PLEKHM3: variants seen among roughly 807,000 people sequenced by gnomAD.
The protein encoded by PLEKHM3 is pleckstrin homology domain-containing family M member 3.
PLEKHM3 carries 45 observed loss-of-function variants against 81.8 expected under a neutral mutation model. The observed-to-expected ratio is 0.55, with a 90% confidence interval of 0.43 to 0.71. The LOEUF (loss-of-function observed/expected upper bound fraction) is 0.71. PLEKHM3 is among the 30% of genes least tolerant of loss of function. PLEKHM3 has a pLI of 0.00. For synonymous variants in PLEKHM3, 352 were observed against 356.4 expected, an observed-to-expected ratio of 0.99 and a Z score of 0.14; for missense variants, 788 against 924.3, an observed-to-expected ratio of 0.85 and a Z score of 1.91.
At chr2:207,885,403 T>C (rs1037409820) in intron 6 of PLEKHM3, among the ~76,000 whole-genome samples, 4 of 152,238 alleles carry the variant, frequency 2.6e-5, no homozygotes, top group African/African-American at 9.6e-5. Context: ...ATGGGGCATT[T>C]TGGGCCTTTT....
intron 3 of PLEKHM3, among the ~76,000 whole-genome samples, chr2:207,956,333 C>T (rs980374551): frequency 4.6e-5 from 7 of 151,744 alleles, no homozygotes; most frequent in Non-Finnish European, 7.4e-5. Context: ...ATTAGCCGGG[C>T]GTGGTGGTGG....
chr2:207,836,893 A>G (rs934905462), intron 7 of PLEKHM3, among the ~76,000 whole-genome samples: 2 of 152,252 alleles, frequency 1.3e-5, no homozygotes, highest in Admixed American at 6.5e-5. Flanking sequence ...CCTGCAGAGC[A>G]GGGCAGAGCC....
chr2:207,956,725 T>TC (rs1189562179), intron 3 of PLEKHM3, among the ~76,000 whole-genome samples: 4 of 115,756 alleles, frequency 3.5e-5, no homozygotes, highest in Non-Finnish European at 6.7e-5. Flanking sequence ...AAAATTTTTT[T>TC]TTTTTTTTTT....
At chr2:207,939,275 T>C (rs906179374) in intron 4 of PLEKHM3, among the ~76,000 whole-genome samples, 2 of 152,156 alleles carry the variant, frequency 1.3e-5, no homozygotes, top group African/African-American at 4.8e-5. Context: ...AAGCAGAGGA[T>C]AGAATGATAA....
At chr2:208,013,426 G>C (rs1692767443) in intron 1 of PLEKHM3, among the ~76,000 whole-genome samples, 1 of 152,002 alleles carries the variant, frequency 6.6e-6, no homozygotes, top group Non-Finnish European at 1.5e-5. Flanking sequence ...TGAGGCAGGA[G>C]AATTGCTTAA....
intron 6 of PLEKHM3, chr2:207,899,932 T>C (rs565834992): frequency 6.6e-6 from 1 of 152,286 alleles, no homozygotes; most frequent in Admixed American, 6.5e-5. Flanking sequence ...TCATAGCCTC[T>C]AGGAAGCCTT....
chr2:207,882,903 C>G (rs760512462), intron 6 of PLEKHM3, among the ~76,000 whole-genome samples: 28 of 152,086 alleles, frequency 1.8e-4, no homozygotes, highest in Non-Finnish European at 3.2e-4. Flanking sequence ...TGCCCGCCAC[C>G]ATGCCCAGCT....
At chr2:207,951,149 G>C (rs1009835054) in intron 3 of PLEKHM3, among the ~76,000 whole-genome samples, 1 of 152,068 alleles carries the variant, frequency 6.6e-6, no homozygotes, top group Non-Finnish European at 1.5e-5. Flanking sequence ...CACAATCTGG[G>C]ATTTTACTTT....
intron 3 of PLEKHM3, among the ~76,000 whole-genome samples, chr2:207,964,265 A>T (rs1690839831): frequency 6.6e-6 from 1 of 152,172 alleles, no homozygotes; most frequent in Non-Finnish European, 1.5e-5. Flanking sequence ...CAAACTTCGT[A>T]TGCACTCAAA....
chr2:207,945,712 G>C (rs996341795), intron 4 of PLEKHM3, among the ~76,000 whole-genome samples: 13 of 152,098 alleles, frequency 8.5e-5, no homozygotes, highest in African/African-American at 3.1e-4. Flanking sequence ...GACCAGCCTG[G>C]GGAACATGGT....
In PLEKHM3 at chr2:207,876,732, C is replaced by T. The variant is rs80010741; in HGVS notation, c.1951-15470G>A. 2.9e-3 allele frequency among the ~76,000 whole-genome samples: 448 copies of T among 152,306 alleles called. 2 individuals carry two copies. Among genetic ancestry groups the T allele is most frequent in the African/African-American group, 0.01 (426 of 41,574 alleles). The stretch of plus-strand genomic sequence containing the variant: ...CTTAAGTAACCAATCAGTTAGGACG[C>T]ATATTGCCGTTTTCTATTAGGAATT... On this transcript the variant is annotated intron_variant, in intron 6 of 7. Coordinates refer to ENST00000427836, the MANE Select transcript of PLEKHM3 (RefSeq NM_001080475.3).
chr2:208,007,098 AC>A (rs1380380157), intron 1 of PLEKHM3, among the ~76,000 whole-genome samples: 1 of 152,170 alleles, frequency 6.6e-6, no homozygotes, highest in Non-Finnish European at 1.5e-5. Flanking sequence ...TAGCTAAGTG[AC>A]TTAGAATATT....
intron 6 of PLEKHM3, among the ~76,000 whole-genome samples, chr2:207,861,998 C>G (rs1200153576): frequency 1.3e-5 from 2 of 152,192 alleles, no homozygotes; most frequent in Admixed American, 1.3e-4. Flanking sequence ...GATATCTGCT[C>G]TCTGCCTGAC....
chr2:207,952,237 TTATTTTATGCACTAAGTAGGGAGAGATG>T (rs1283958507), intron 3 of PLEKHM3, among the ~76,000 whole-genome samples: 11 of 152,240 alleles, frequency 7.2e-5, no homozygotes, highest in African/African-American at 2.7e-4. Context: ...ACATCCTCTT[TTATTTTATGCACTAAGTAGGGAGAGATG>T]TCCACAGGAA....
intron 1 of PLEKHM3, among the ~76,000 whole-genome samples, chr2:208,012,613 A>T (rs1355170993): frequency 6.6e-6 from 1 of 152,216 alleles, no homozygotes; most frequent in African/African-American, 2.4e-5. Flanking sequence ...TCAGTGTGAG[A>T]GAAGTGTGGC....
In PLEKHM3 at chr2:207,821,533, AG is replaced by A. The variant is rs2092217074; in HGVS notation, c.*6785del. 1 of 152,224 alleles carries A rather than the reference AG, an allele frequency of 6.6e-6. No individual in the cohort carries two copies. Among genetic ancestry groups the A allele is most frequent in the South Asian group, 2.1e-4 (1 of 4,830 alleles). The allele number at this position is 152,224 out of a possible 1,614,324, so 9.4% of individuals were successfully genotyped here. Reference sequence around the variant, plus strand: ...GAACACATATATAAGTTAGCACATTAGCTACTACAAATAACTTAACACAAAG... The same window carrying A: ...GAACACATATATAAGTTAGCACATTACTACTACAAATAACTTAACACAAAG... On this transcript the variant is annotated 3_prime_UTR_variant, in exon 8 of 8. Coordinates refer to ENST00000427836, the MANE Select transcript of PLEKHM3 (RefSeq NM_001080475.3).
At position 207,922,538 on chromosome 2, in the gene PLEKHM3, C is replaced by T. The variant is rs565088671; in HGVS notation, c.1886+8388G>A. ...GAAAACCATCCAAGCCCTGGCCAGG[C>T]GCGGTGGCTCACGCCTGTAATCCCA... On this transcript the variant is annotated intron_variant, in intron 5 of 7. Coordinates refer to ENST00000427836, the MANE Select transcript of PLEKHM3 (RefSeq NM_001080475.3). Among the ~76,000 whole-genome samples the T allele has an allele frequency of 7.2e-5, 11 of 152,234 alleles. No individual in the cohort carries two copies. In the South Asian group the frequency reaches 2.1e-3, roughly 29 times the overall value.
At chr2:207,898,991 A>G (rs1688333172) in intron 6 of PLEKHM3, among the ~76,000 whole-genome samples, 1 of 152,254 alleles carries the variant, frequency 6.6e-6, no homozygotes, top group Non-Finnish European at 1.5e-5. Context: ...AATAAAAGCC[A>G]AACAACAATA....
chr2:207,949,060 T>C (rs1175221272), intron 3 of PLEKHM3, among the ~76,000 whole-genome samples: 1 of 152,200 alleles, frequency 6.6e-6, no homozygotes, highest in East Asian at 1.9e-4. Context: ...AAAGGGATGA[T>C]AAACTGAGTA....
Sources: allele counts gnomAD v4.1 joint callset (sites outside exome capture counted in the v4.1 genomes callset), GRCh38; gene constraint gnomAD v4.1.1; transcripts MANE v1.5; gene names NCBI Gene and HGNC (gene_info 2026-07-23, HGNC 2026-07-21).